TUBGCP3: variants seen among roughly 807,000 people sequenced by gnomAD.
TUBGCP3 encodes the protein gamma-tubulin complex component 3.
A neutral mutation model predicts 123.1 loss-of-function variants in TUBGCP3; 50 were observed. The observed-to-expected ratio is 0.41, with a 90% CI of 0.32 to 0.51. TUBGCP3 has a LOEUF of 0.51. TUBGCP3 is among the 20% of genes least tolerant of loss of function. The pLI is 0.36. For synonymous variants in TUBGCP3, 405 were observed against 413.9 expected (o/e 0.98, Z 0.26); for missense variants, 882 against 1,127.0 (o/e 0.78, Z 3.11).
chr13:112,504,692 C>G lies in TUBGCP3; in HGVS notation c.2109G>C (p.Gln703His). ...NMPEFSGVLH[Q>H]CHILASEMVH... The stretch of plus-strand genomic sequence containing the variant: ...CCATCTCAGAGGCCAAAATGTGACA[C>G]TGGTGCAGCACCCCGGAGAACTCTG... The change falls in exon 18 of 22, where the codon CAG becomes CAC. Residue 703 changes from glutamine (Q) to histidine (H), a missense_variant. Gln to His is a conservative substitution (Grantham distance 24). This residue lies in a region of TUBGCP3 where 713 missense variants were observed against 874.0 expected (regional missense o/e 0.82). Transcript: ENST00000261965. 6.2e-7 allele frequency: 1 copy of G among 1,613,924 alleles called. No homozygotes were observed. Among genetic ancestry groups the G allele is most frequent in the Non-Finnish European group, 8.5e-7 (1 of 1,179,954 alleles).
chr13:112,599,872 A>T, the TUBGCP3 span, among the ~76,000 whole-genome samples: 13 of 152,118 alleles, frequency 8.5e-5, no homozygotes, highest in African/African-American at 3.1e-4. Context: ...ATACCATTTT[A>T]GATTTACAGA....
At chr13:112,486,323 T>C (rs1360995537) in intron 21 of TUBGCP3, among the ~76,000 whole-genome samples, 172 bp from the exon 22 acceptor site, 1 of 152,232 alleles carries the variant, frequency 6.6e-6, no homozygotes, top group East Asian at 1.9e-4. Flanking sequence ...GCTGGGACCC[T>C]GGAGTGCACA....
intron 6 of TUBGCP3, 103 bp downstream of exon 6, chr13:112,555,949 C>T (rs1879992371): frequency 7.6e-7 from 1 of 1,311,708 alleles, no homozygotes; most frequent in East Asian, 2.4e-5. Context: ...GAAGAAACCA[C>T]TAAAAGGTTT....
chr13:112,499,305 G>T, intron 19 of TUBGCP3, 120 bp from the exon 20 acceptor site: 1 of 1,244,456 alleles, frequency 8.0e-7, no homozygotes, highest in East Asian at 2.5e-5. Flanking sequence ...TTCCCAAAGT[G>T]TTCATTAGCT....
chr13:112,556,996 T>C (rs1176138547), intron 5 of TUBGCP3, among the ~76,000 whole-genome samples: 3 of 151,840 alleles, frequency 2.0e-5, no homozygotes, highest in Non-Finnish European at 4.4e-5. Flanking sequence ...GGTGCAATAC[T>C]GGGGGGGTTT....
chr13:112,527,448 G>T lies in TUBGCP3; in HGVS notation c.1372C>A (p.Arg458=), dbSNP rs1363568068. 3 of 1,611,444 alleles carry T rather than the reference G, an allele frequency of 1.9e-6. No individual in the cohort carries two copies. The highest frequency in any genetic ancestry group is 1.7e-4 in the Middle Eastern group (1 of 6,048). The change falls in exon 12 of 22, where the codon CGA becomes AGA. Residue 458 remains arginine (R), a synonymous_variant. Coordinates refer to ENST00000261965, the MANE Select transcript of TUBGCP3 (RefSeq NM_006322.6). ...AAAGTATACTTGTCGTGCCACAGTC[G>T]ATCTGTTTTAACTGTTGGATCTGAT... ...VASDPTVKTD[R]LWHDKYTLRK... is the part of the protein sequence containing the mutation.
chr13:112,531,131 C>T (rs942557219), intron 11 of TUBGCP3, among the ~76,000 whole-genome samples: 7 of 151,224 alleles, frequency 4.6e-5, no homozygotes, highest in African/African-American at 7.4e-5. Flanking sequence ...TTAATGATGT[C>T]AAAATCTTCT....
chr13:112,563,209 G>A (rs1880658942), intron 3 of TUBGCP3, among the ~76,000 whole-genome samples: 1 of 152,090 alleles, frequency 6.6e-6, no homozygotes, highest in Admixed American at 6.5e-5. Context: ...GCAAACATTC[G>A]ACTGCACCTT....
intron 5 of TUBGCP3, among the ~76,000 whole-genome samples, chr13:112,557,295 C>T (rs1243001130): frequency 1.3e-5 from 2 of 152,188 alleles, no homozygotes; most frequent in African/African-American, 4.8e-5. Context: ...TTTTTAAATG[C>T]TTTGCGTTTT....
intron 1 of TUBGCP3, among the ~76,000 whole-genome samples, chr13:112,578,330 C>A (rs531631717): frequency 6.6e-6 from 1 of 151,590 alleles, no homozygotes; most frequent in Non-Finnish European, 1.5e-5. Context: ...GAGGCCGAGG[C>A]GGGCGGATCA....
intron 21 of TUBGCP3, 41 bp from the exon 22 acceptor site, chr13:112,486,192 G>C: frequency 6.2e-7 from 1 of 1,608,582 alleles, no homozygotes; most frequent in Non-Finnish European, 8.5e-7. Context: ...TTTCAGAAAA[G>C]AACAACCCAC....
chr13:112,490,244 A>G (rs1879987482), intron 20 of TUBGCP3, among the ~76,000 whole-genome samples: 3 of 152,180 alleles, frequency 2.0e-5, no homozygotes, highest in Non-Finnish European at 4.4e-5. Context: ...GATAGCATAT[A>G]TAGGAATTAT....
At chr13:112,577,024 C>A (rs1881879412) in intron 1 of TUBGCP3, among the ~76,000 whole-genome samples, 1 of 143,592 alleles carries the variant, frequency 7.0e-6, no homozygotes, top group South Asian at 2.2e-4. Flanking sequence ...AATTGATAAA[C>A]CTTTGCCAGA....
intron 11 of TUBGCP3, among the ~76,000 whole-genome samples, chr13:112,534,995 C>T (rs183763766): frequency 3.9e-5 from 6 of 152,306 alleles, no homozygotes; most frequent in African/African-American, 7.2e-5. Context: ...TCTATCTCTA[C>T]GCATTTGCCA....
At chr13:112,581,802 C>A (rs1227765818) in intron 1 of TUBGCP3, among the ~76,000 whole-genome samples, 2 of 152,106 alleles carry the variant, frequency 1.3e-5, no homozygotes, top group African/African-American at 4.8e-5. Flanking sequence ...CATAAATATC[C>A]CCAATCCAAA....
At position 112,508,050 on chromosome 13, in the gene TUBGCP3, G is replaced by A. The variant is rs922614551; in HGVS notation, c.2087-3336C>T. Among the ~76,000 whole-genome samples the A allele has an allele frequency of 2.0e-5, 3 of 152,078 alleles. No homozygotes were observed. The highest frequency in any genetic ancestry group is 4.8e-5 in the African/African-American group (2 of 41,412). ...CCTAAACTCCTGACATCCCACTCCA[G>A]CCCATCCCAGTGCTGCCTGGGGCCT... is the stretch of plus-strand genomic sequence containing the variant. On this transcript the variant is annotated intron_variant, in intron 17 of 21. Coordinates refer to ENST00000261965, the MANE Select transcript of TUBGCP3 (RefSeq NM_006322.6). This position sits in a 1 kb window ranked among gnomAD's most constrained non-coding sequence, Gnocchi z 4.2.
At chr13:112,510,120 G>A (rs1405524472) in intron 17 of TUBGCP3, among the ~76,000 whole-genome samples, 2 of 151,980 alleles carry the variant, frequency 1.3e-5, no homozygotes, top group African/African-American at 4.8e-5. Context: ...ACAAAACTGG[G>A]CAGCCACTAT....
intron 17 of TUBGCP3, among the ~76,000 whole-genome samples, chr13:112,513,467 A>G (rs754598650): frequency 2.6e-5 from 4 of 152,216 alleles, no homozygotes; most frequent in Non-Finnish European, 5.9e-5. Context: ...CACACCATGA[A>G]GCAAGTTACT....
intron 17 of TUBGCP3, among the ~76,000 whole-genome samples, chr13:112,509,580 T>C (rs769288188): frequency 6.6e-6 from 1 of 152,214 alleles, no homozygotes; most frequent in Non-Finnish European, 1.5e-5. Context: ...GTTTTCCTTC[T>C]AGAAAAATCA....
Sources: allele counts gnomAD v4.1 joint callset (sites outside exome capture counted in the v4.1 genomes callset), GRCh38; gene constraint gnomAD v4.1.1; regional missense constraint gnomAD v4.1.1; non-coding constraint Gnocchi (gnomAD v3.1); transcripts MANE v1.5; gene names NCBI Gene and HGNC (gene_info 2026-07-23, HGNC 2026-07-21).